LARS1: variants seen among roughly 807,000 people sequenced by gnomAD.
The protein encoded by LARS1 is leucyl-tRNA synthetase 1.
In LARS1, 100 loss-of-function variants were observed where a neutral mutation model predicts 162.8. The observed-to-expected ratio is 0.61, with a 90% CI of 0.52 to 0.73. The LOEUF (loss-of-function observed/expected upper bound fraction) is 0.73, where lower values mean the gene tolerates loss of function less well. Among genes scored for constraint, LARS1 ranks in the 30% least tolerant of loss-of-function variants. The pLI is 0.00. For missense variants in LARS1, 1,258 were observed against 1,408.9 expected (o/e 0.89, Z 1.71); for synonymous variants, 457 against 462.8 (o/e 0.99, Z 0.16).
chr5:146,173,893 A>C (rs1327360457), intron 2 of LARS1, among the ~76,000 whole-genome samples: 1 of 151,630 alleles, frequency 6.6e-6, no homozygotes, highest in Non-Finnish European at 1.5e-5. Context: ...AGTTTCATAC[A>C]AAAAAAAGGC....
chr5:146,176,568 T>C (rs951893094), intron 2 of LARS1, among the ~76,000 whole-genome samples: 1 of 152,210 alleles, frequency 6.6e-6, no homozygotes, highest in South Asian at 2.1e-4. Context: ...CTTACTATTA[T>C]TGTTGTTACT....
chr5:146,157,882 C>T, intron 8 of LARS1, 87 bp from the exon 9 acceptor site: 1 of 1,293,930 alleles, frequency 7.7e-7, no homozygotes, highest in South Asian at 1.2e-5. Context: ...TGATTCAAGT[C>T]CCTAAAATGG....
At chr5:146,136,527 C>G (rs1240526264) in intron 21 of LARS1, among the ~76,000 whole-genome samples, 2 of 150,300 alleles carry the variant, frequency 1.3e-5, no homozygotes, top group Non-Finnish European at 2.9e-5. Flanking sequence ...GTTACCCAGG[C>G]TGGAGTGCAG....
chr5:146,177,808 T>C, intron 1 of LARS1, 143 bp from the exon 2 acceptor site: 1 of 450,850 alleles, frequency 2.2e-6, no homozygotes, highest in South Asian at 2.5e-5. Flanking sequence ...CATTAAAAAT[T>C]AGGGTTATCA....
Position 146,132,997 on chromosome 5 carries a change from C to CG in LARS1, c.2296dup (p.Arg766ProfsTer29). 1 of 1,614,006 alleles carries CG rather than the reference C, an allele frequency of 6.2e-7. No homozygotes were observed. The highest frequency in any genetic ancestry group is 8.5e-7 in the Non-Finnish European group (1 of 1,179,928). ...CACCCACTCTACCCAGGTGTACAGA[C>CG]GGAGAATACCTGCATCTGCCATGGC... On this transcript the variant is annotated frameshift_variant, in exon 23 of 32. Transcript: ENST00000394434. LOFTEE classifies it high-confidence loss of function.
chr5:146,153,185 G>T lies in LARS1; in HGVS notation c.1273C>A (p.Pro425Thr). The part of the protein sequence containing the change: ...KYGIRDDMVL[P>T]FEPVPVIEIP... ...ATCTATGTACTCACCGGCTCAAATG[G>T]CAAGACCATGTCATCTCTAATTCCA... Residue 425 changes from proline (P) to threonine (T), a missense_variant, in exon 13 of 32, where the codon CCA becomes ACA. By Grantham distance (38) the Pro-to-Thr change is conservative. Transcript: ENST00000394434. 6.2e-7 allele frequency: 1 copy of T among 1,612,726 alleles called. No individual in the cohort carries two copies. The highest frequency in any genetic ancestry group is 1.1e-5 in the South Asian group (1 of 91,022).
chr5:146,125,863 C>T (rs1438293258), intron 28 of LARS1, among the ~76,000 whole-genome samples: 1 of 151,964 alleles, frequency 6.6e-6, no homozygotes, highest in Non-Finnish European at 1.5e-5. Flanking sequence ...CTGCCCCCAG[C>T]GGACATTTGG....
chr5:146,120,518 A>T lies in LARS1; in HGVS notation c.3193-15T>A. On this transcript the variant is annotated splice_polypyrimidine_tract_variant and intron_variant, in intron 30 of 31. Transcript: ENST00000394434. ...GACACACCAGGCTAGGAAAACAACA[A>T]GAAAATGATTGTTTAACTTGAATAC... 1.9e-6 allele frequency: 3 copies of T among 1,606,602 alleles called. 1 individual carries two copies.
intron 8 of LARS1, among the ~76,000 whole-genome samples, chr5:146,158,123 T>C (rs1460163694): frequency 6.6e-6 from 1 of 152,220 alleles, no homozygotes; most frequent in African/African-American, 2.4e-5. Flanking sequence ...TAATGTGCTT[T>C]CTAAACTTAG....
At chr5:146,129,172 A>G in intron 25 of LARS1, 54 bp from the exon 26 acceptor site, 3 of 1,439,888 alleles carry the variant, frequency 2.1e-6, no homozygotes, top group African/African-American at 1.4e-5. Context: ...CAATATAACT[A>G]TTTTACGGTT....
chr5:146,173,128 G>A (rs1036793240), intron 2 of LARS1, among the ~76,000 whole-genome samples: 7 of 152,062 alleles, frequency 4.6e-5, no homozygotes, highest in African/African-American at 1.7e-4. Flanking sequence ...CTGGTGGACT[G>A]CTTGAGGCCA....
At chr5:146,174,589 T>TATATATATATATATCC (rs1561498516) in intron 2 of LARS1, among the ~76,000 whole-genome samples, 56 of 4,916 alleles carry the variant, frequency 0.011, 3 homozygotes, top group African/African-American at 0.019. Context: ...TATATATCCA[T>TATATATATATATATCC]ATATATATAT....
At chr5:146,181,382 A>C (rs201004977) in intron 1 of LARS1, among the ~76,000 whole-genome samples, 1 of 143,510 alleles carries the variant, frequency 7.0e-6, no homozygotes, top group African/African-American at 2.6e-5. Context: ...AACAAAAAAC[A>C]AAAAAAAATA....
rs752798411 is a variant in LARS1, at chr5:146,124,132, T to C, written c.2992-46A>G. ...GAAAAACAAAATCACAGTAAGAATA[T>C]GTTGGAAAACATACTTCCTCCAAAG... On this transcript the variant is annotated intron_variant, in intron 28 of 31. Coordinates refer to ENST00000394434, the MANE Select transcript of LARS1 (RefSeq NM_020117.11). The C allele has an allele frequency of 3.5e-6, 4 of 1,132,030 alleles. No homozygotes were observed. In the Admixed American group the frequency reaches 5.1e-5, roughly 14 times the overall value. 70.1% of individuals were successfully genotyped at this position (1,132,030 alleles called of 1,614,324 possible).
chr5:146,143,377 C>T (rs1752876794), intron 19 of LARS1, 35 bp downstream of exon 19: 3 of 1,576,276 alleles, frequency 1.9e-6, no homozygotes, highest in Non-Finnish European at 2.6e-6. Flanking sequence ...CTCTTACTGA[C>T]AAATTATGCT....
chr5:146,157,873 G>A, intron 8 of LARS1, 78 bp from the exon 9 acceptor site: 1 of 1,377,022 alleles, frequency 7.3e-7, no homozygotes, highest in Non-Finnish European at 1.0e-6. Context: ...TGAGAGATCT[G>A]ATTCAAGTCC....
Position 146,113,909 on chromosome 5 carries a change from A to G in LARS1, c.*197T>C. 1.8e-6 allele frequency: 1 copy of G among 548,996 alleles called. No homozygotes were observed. The allele number at this position is 548,996 out of a possible 1,614,324, so 34.0% of individuals were successfully genotyped here. On this transcript the variant is annotated 3_prime_UTR_variant, in exon 32 of 32. Coordinates refer to ENST00000394434, the MANE Select transcript of LARS1 (RefSeq NM_020117.11). ...AAAAACCATTTCTCTTGGACACCCA[A>G]AGAAAGGGAAAAAAAATTTATTAGG...
intron 1 of LARS1, among the ~76,000 whole-genome samples, chr5:146,180,506 CA>C (rs1043912193): frequency 2.1e-4 from 31 of 145,192 alleles, no homozygotes; most frequent in African/African-American, 5.9e-4. Flanking sequence ...GACTCCATTT[CA>C]AAAAAAAAAT....
intron 2 of LARS1, among the ~76,000 whole-genome samples, chr5:146,176,941 C>G (rs2126604813): frequency 6.6e-6 from 1 of 152,150 alleles, no homozygotes; most frequent in East Asian, 1.9e-4. Context: ...AAAAAAATCT[C>G]AAAACATCCT....
Sources: allele counts gnomAD v4.1 joint callset (sites outside exome capture counted in the v4.1 genomes callset), GRCh38; gene constraint gnomAD v4.1.1; transcripts MANE v1.5; gene names NCBI Gene and HGNC (gene_info 2026-07-23, HGNC 2026-07-21).